SPAG17: variants seen among roughly 807,000 people sequenced by gnomAD.
The protein encoded by SPAG17 is sperm-associated antigen 17.
SPAG17 carries 169 observed loss-of-function variants against 273.6 expected under a neutral mutation model. The ratio of observed to expected loss-of-function variants is 0.62; its 90% CI spans 0.55 to 0.70. The LOEUF (loss-of-function observed/expected upper bound fraction) is 0.70, where lower values mean the gene tolerates loss of function less well. Ranked by LOEUF, SPAG17 falls within the 30% of genes least tolerant of loss-of-function variation. The pLI is 0.00. For missense variants in SPAG17, 2,557 were observed against 2,627.8 expected (o/e 0.97, Z 0.59); for synonymous variants, 825 against 873.2 (o/e 0.94, Z 0.97).
chr1:118,012,652 G>A (rs780857733), intron 29 of SPAG17, among the ~76,000 whole-genome samples: 3 of 152,200 alleles, frequency 2.0e-5, no homozygotes, highest in Non-Finnish European at 2.9e-5. Flanking sequence ...CTTAACATCT[G>A]GACTGGGTTA....
chr1:118,025,729 C>T (rs997130686), intron 26 of SPAG17, among the ~76,000 whole-genome samples: 4 of 152,000 alleles, frequency 2.6e-5, no homozygotes, highest in East Asian at 1.9e-4. Flanking sequence ...TGGCCTCAAG[C>T]GATCCTCCCA....
chr1:118,039,526 C>T, intron 22 of SPAG17, 82 bp from the exon 23 acceptor site: 1 of 1,409,738 alleles, frequency 7.1e-7, no homozygotes, highest in Non-Finnish European at 9.9e-7. Flanking sequence ...CACAATGCTG[C>T]ACAGAAACAA....
At chr1:118,100,569 A>G (rs1655999812) in intron 5 of SPAG17, among the ~76,000 whole-genome samples, 2 of 152,296 alleles carry the variant, frequency 1.3e-5, no homozygotes, top group South Asian at 4.1e-4. Flanking sequence ...ACAACTTTTC[A>G]TTTTTAAGTT....
At chr1:117,987,922 G>T in intron 39 of SPAG17, 41 bp from the exon 40 acceptor site, 1 of 1,607,584 alleles carries the variant, frequency 6.2e-7, no homozygotes, top group South Asian at 1.1e-5. Flanking sequence ...AAGGGGCAAT[G>T]ATTTCAGCTT....
rs777691931 is a variant in SPAG17 at position 118,081,107 on chromosome 1, A to G, written c.2203T>C (p.Ser735Pro). ...SIMKAQPQHE[S>P]LEQTTNNEIK... ...CACACACACTTTAACTTACCCAGAG[A>G]CTCATGTTGGGGCTGAGCCTTCATG... Residue 735 changes from serine to proline, a missense_variant, in exon 15 of 49, where the codon TCT (serine) becomes CCT (proline). Ser to Pro is a moderately conservative substitution (Grantham distance 74). Transcript: ENST00000336338. The G allele has an allele frequency of 3.4e-5, 55 of 1,610,968 alleles. No individual in the cohort carries two copies. The African/African-American group carries it at 6.3e-4, about 18-fold the overall frequency.
At chr1:118,086,846 ACT>A in intron 11 of SPAG17, 23 bp downstream of exon 11, 3 of 1,614,100 alleles carry the variant, frequency 1.9e-6, no homozygotes, top group South Asian at 1.1e-5. Flanking sequence ...AAGCATGAAG[ACT>A]CTGCTATCTC....
chr1:118,013,218 C>T (rs1203526346), intron 29 of SPAG17, among the ~76,000 whole-genome samples: 2 of 152,162 alleles, frequency 1.3e-5, no homozygotes, highest in Non-Finnish European at 2.9e-5. Context: ...ACTATTCTAA[C>T]TCTAAGGAAC....
intron 28 of SPAG17, among the ~76,000 whole-genome samples, chr1:118,021,007 G>A (rs892017420): frequency 6.6e-6 from 1 of 152,008 alleles, no homozygotes; most frequent in Non-Finnish European, 1.5e-5. Context: ...TGACCATATG[G>A]CCCACAAAGT....
chr1:118,179,174 G>C lies in SPAG17; in HGVS notation c.87+5897C>G, dbSNP rs771671024. Among the ~76,000 whole-genome samples the C allele has an allele frequency of 6.6e-5, 10 of 151,996 alleles. No homozygotes were observed. The East Asian group carries it at 1.7e-3, about 26-fold the overall frequency. On this transcript the variant is annotated intron_variant, in intron 1 of 48. Coordinates refer to ENST00000336338, the MANE Select transcript of SPAG17 (RefSeq NM_206996.4). ...CTTAAGCAAAAAGAGCAAAGCTAGA[G>C]GCATCAAACTGATTTCAAAATATAG...
At chr1:118,081,664 G>C (rs1381102737) in intron 13 of SPAG17, 22 bp from the exon 14 acceptor site, 8 of 1,584,936 alleles carry the variant, frequency 5.0e-6, no homozygotes, top group Non-Finnish European at 6.9e-6. Context: ...CAGAACCAGT[G>C]CTGCTGGAAA....
chr1:118,129,743 CTTTG>C (rs942893448), intron 3 of SPAG17, among the ~76,000 whole-genome samples: 8 of 147,432 alleles, frequency 5.4e-5, no homozygotes, highest in Admixed American at 6.8e-5. Context: ...TTCTTTCCTT[CTTTG>C]TTTTTTTCTT....
At position 118,056,178 on chromosome 1, in the gene SPAG17, A is replaced by C. The variant is rs574869634; in HGVS notation, c.2541-264T>G. ...TAGGCTTTGGGTTTAAGAAATAAAA[A>C]AAGAAATAAGATCTTTCCACTGAAG... On this transcript the variant is annotated intron_variant, in intron 18 of 48. Transcript: ENST00000336338. Among the ~76,000 whole-genome samples, 645 of 152,288 alleles carry C rather than the reference A, an allele frequency of 4.2e-3. 4 individuals carry two copies. The highest frequency in any genetic ancestry group is 0.015 in the African/African-American group (613 of 41,566).
intron 40 of SPAG17, 145 bp downstream of exon 40, chr1:117,987,689 G>C (rs1656577960): frequency 2.7e-6 from 2 of 748,762 alleles, no homozygotes; most frequent in East Asian, 5.3e-5. Flanking sequence ...TCATCACACA[G>C]AGCTGAATGA....
At chr1:118,081,703 G>T in intron 13 of SPAG17, 61 bp from the exon 14 acceptor site, 1 of 1,366,104 alleles carries the variant, frequency 7.3e-7, no homozygotes, top group Non-Finnish European at 1.0e-6. Context: ...GTACAGGGTT[G>T]ACAGAGGGAT....
chr1:118,100,867 CA>C (rs1656021437), intron 5 of SPAG17, among the ~76,000 whole-genome samples: 1 of 152,116 alleles, frequency 6.6e-6, no homozygotes, highest in Non-Finnish European at 1.5e-5. Context: ...CTATCCAGGG[CA>C]AAATGATTGT....
intron 7 of SPAG17, 62 bp from the exon 8 acceptor site, chr1:118,093,379 T>C: frequency 6.7e-7 from 1 of 1,487,648 alleles, no homozygotes; most frequent in Non-Finnish European, 9.1e-7. Context: ...ATCAGATATA[T>C]GGTATATATC....
chr1:118,147,531 C>G (rs1418745039), intron 3 of SPAG17, among the ~76,000 whole-genome samples: 1 of 152,162 alleles, frequency 6.6e-6, no homozygotes, highest in Non-Finnish European at 1.5e-5. Context: ...TAGAGCAAAA[C>G]ATGCTTTCCA....
chr1:118,054,888 T>C (rs780272994), intron 19 of SPAG17, among the ~76,000 whole-genome samples: 3 of 152,026 alleles, frequency 2.0e-5, no homozygotes, highest in East Asian at 1.9e-4. Context: ...ACAAACTCCT[T>C]TGGTAATTGA....
intron 45 of SPAG17, among the ~76,000 whole-genome samples, chr1:117,971,383 A>G (rs1654536672): frequency 6.6e-6 from 1 of 152,228 alleles, no homozygotes; most frequent in Admixed American, 6.5e-5. Context: ...CAAGTTACAC[A>G]GTTTCTCCTT....
Sources: gnomAD v4.1 joint callset for allele counts (sites outside exome capture counted in the v4.1 genomes callset) on GRCh38, gnomAD v4.1.1 for gene constraint, MANE v1.5 for transcripts, NCBI Gene and HGNC (gene_info 2026-07-23, HGNC 2026-07-21) for gene names.